The following PCDH7 variants were observed in gnomAD, a reference collection of about 807,000 sequenced individuals.
PCDH7 encodes protocadherin 7.
In PCDH7, 17 loss-of-function variants were observed where a neutral mutation model predicts 58.9. The ratio of observed to expected loss-of-function variants is 0.29; its 90% CI spans 0.20 to 0.43. The LOEUF (loss-of-function observed/expected upper bound fraction) is 0.43. PCDH7 is among the 20% of genes least tolerant of loss of function. The pLI, the probability that PCDH7 is intolerant of heterozygous loss-of-function variation, is 1.00. For synonymous variants in PCDH7, 664 were observed against 616.4 expected, an observed-to-expected ratio of 1.08 and a Z score of -1.14; for missense variants, 1,274 against 1,441.0, an observed-to-expected ratio of 0.88 and a Z score of 1.88.
At chr4:30,773,637 G>C (rs936404118) in intron 1 of PCDH7, among the ~76,000 whole-genome samples, 2 of 152,070 alleles carry the variant, frequency 1.3e-5, no homozygotes, top group African/African-American at 4.8e-5. Flanking sequence ...GAATCATGGT[G>C]CTGCTTTCCT....
At chr4:31,056,401 GAAGA>G (rs1276969842) in intron 3 of PCDH7, among the ~76,000 whole-genome samples, 1 of 99,554 alleles carries the variant, frequency 1.0e-5, no homozygotes, top group African/African-American at 4.1e-5. Flanking sequence ...AGAAGGAAAG[GAAGA>G]AAGAAAGAAG....
chr4:31,121,702 T>C (rs941836639), intron 3 of PCDH7, among the ~76,000 whole-genome samples: 4 of 152,184 alleles, frequency 2.6e-5, no homozygotes, highest in African/African-American at 9.6e-5. Flanking sequence ...AGCTCAGTGG[T>C]AGAAGAAAAC....
At chr4:30,963,261 C>A (rs1306172134) in intron 3 of PCDH7, among the ~76,000 whole-genome samples, 3 of 152,118 alleles carry the variant, frequency 2.0e-5, no homozygotes, top group African/African-American at 7.2e-5. Context: ...TGTTTTGAGG[C>A]TTAAAAGTCA....
intron 3 of PCDH7, among the ~76,000 whole-genome samples, chr4:30,971,596 T>G (rs958940663): frequency 4.6e-5 from 7 of 152,224 alleles, no homozygotes; most frequent in African/African-American, 1.7e-4. Flanking sequence ...AACCCCTCTC[T>G]CCCTGTTTAA....
At chr4:31,117,609 A>G (rs1195746094) in intron 3 of PCDH7, among the ~76,000 whole-genome samples, 3 of 152,194 alleles carry the variant, frequency 2.0e-5, no homozygotes, top group Non-Finnish European at 4.4e-5. Context: ...TAGCATAATT[A>G]TAATATTGCT....
intron 3 of PCDH7, among the ~76,000 whole-genome samples, chr4:30,990,822 T>C (rs1459930566): frequency 6.6e-6 from 1 of 152,166 alleles, no homozygotes; most frequent in Non-Finnish European, 1.5e-5. Context: ...AATTACCATC[T>C]TGCTCAACTT....
At chr4:30,746,054 C>T (rs113065146) in intron 1 of PCDH7, among the ~76,000 whole-genome samples, 5,511 of 152,104 alleles carry the variant, frequency 0.036, 261 homozygotes, top group East Asian at 0.22. Flanking sequence ...GTCTTGAACT[C>T]CTGACCTCAA....
In PCDH7 at chr4:31,034,217, T is replaced by C. The variant is rs146596835; in HGVS notation, c.*7+84002T>C. Among the ~76,000 whole-genome samples the C allele has an allele frequency of 2.6e-4, 39 of 152,314 alleles. 1 individual carries two copies. In the East Asian group the frequency reaches 4.8e-3, roughly 19 times the overall value. ...TTTCTCCTGCCTCCATCATCTTCCC[T>C]TTCATCTTCTATCCCTTACTTTAAT... On this transcript the variant is annotated intron_variant, in intron 3 of 3. Coordinates refer to the PCDH7 transcript ENST00000509759.
chr4:30,728,928 CATG>C (rs1715047210), intron 1 of PCDH7, among the ~76,000 whole-genome samples: 1 of 151,286 alleles, frequency 6.6e-6, no homozygotes, highest in African/African-American at 2.4e-5. Flanking sequence ...TTTATTTAGT[CATG>C]ATGTTTATAG....
intron 3 of PCDH7, among the ~76,000 whole-genome samples, chr4:31,104,816 G>A (rs1471687376): frequency 1.3e-5 from 2 of 152,190 alleles, no homozygotes; most frequent in Admixed American, 6.5e-5. Flanking sequence ...GCTGAAGTAT[G>A]AGCGTATTGA....
chr4:30,924,536 T>C (rs796204773), intron 2 of PCDH7, among the ~76,000 whole-genome samples: 11 of 152,258 alleles, frequency 7.2e-5, no homozygotes, highest in African/African-American at 2.2e-4. Flanking sequence ...TGCATTTTAA[T>C]AGTAGAAAAT....
intron 3 of PCDH7, among the ~76,000 whole-genome samples, chr4:31,000,094 A>G (rs114533869): frequency 0.012 from 1,761 of 152,232 alleles, 35 homozygotes; most frequent in African/African-American, 0.04. Context: ...GTGGCATAAT[A>G]GCTATATTGA....
chr4:31,022,694 G>A (rs1285358395), intron 3 of PCDH7, among the ~76,000 whole-genome samples: 2 of 152,082 alleles, frequency 1.3e-5, no homozygotes, highest in Non-Finnish European at 2.9e-5. Context: ...ATAGAAAAAA[G>A]TATGAATACC....
At chr4:31,002,828 T>G (rs1578533739) in intron 3 of PCDH7, among the ~76,000 whole-genome samples, 1 of 152,188 alleles carries the variant, frequency 6.6e-6, no homozygotes, top group Non-Finnish European at 1.5e-5. Context: ...ATTCCTGTAA[T>G]ATCTGAAGCT....
rs139371336 is a variant in PCDH7 at position 31,038,972 on chromosome 4, G to A, written c.*7+88757G>A. Among the ~76,000 whole-genome samples, 179 of 152,210 alleles carry A rather than the reference G, an allele frequency of 1.2e-3. 2 individuals are homozygous for A. In the South Asian group the frequency reaches 0.018, roughly 16 times the overall value. ...TGACAGCAGTAACTTACCAGATAGT[G>A]TTTTCAAAGAGTAAATTAGCATATA... On this transcript the variant is annotated intron_variant, in intron 3 of 3. Transcript: ENST00000509759.
chr4:30,831,208 C>T (rs189123884), intron 1 of PCDH7, among the ~76,000 whole-genome samples: 19 of 152,154 alleles, frequency 1.2e-4, no homozygotes, highest in African/African-American at 2.2e-4. Flanking sequence ...GTCCCTCATA[C>T]GCTTCGTCTA....
chr4:30,722,026 G>T lies in PCDH7; in HGVS notation c.604G>T (p.Asp202Tyr). ...CGAGAGCCGGCGCGCCGGGGCGGCC[G>T]ACAGCGCCCCCTACCCCGGGGGCGG... The change falls in exon 1 of 2, where the codon GAC (aspartate) becomes TAC (tyrosine). Residue 202 changes from aspartate (D) to tyrosine (Y), a missense_variant. Asp to Tyr is a radical substitution (Grantham distance 160). Around this residue, in one of 3 missense-constraint regions of PCDH7, gnomAD observed 331 missense variants for 303.2 expected, o/e 1.09. Transcript: ENST00000361762. The surrounding 1 kb of genome is among the most constrained non-coding windows in gnomAD (Gnocchi z 7.6). 8.0e-7 allele frequency: 1 copy of T among 1,253,976 alleles called. No homozygotes were observed. The highest frequency in any genetic ancestry group is 1.0e-6 in the Non-Finnish European group (1 of 1,002,594). 77.7% of individuals were successfully genotyped at this position (1,253,976 alleles called of 1,614,324 possible).
At chr4:30,736,818 G>T (rs1372243551), downstream of PCDH7, among the ~76,000 whole-genome samples, 1 of 152,062 alleles carries the variant, frequency 6.6e-6, no homozygotes, top group East Asian at 1.9e-4. Context: ...TTACAGGCGT[G>T]AGCCACCGCG....
At chr4:30,883,828 T>G (rs987572321) in intron 1 of PCDH7, among the ~76,000 whole-genome samples, 4 of 152,196 alleles carry the variant, frequency 2.6e-5, no homozygotes, top group Non-Finnish European at 5.9e-5. Flanking sequence ...ATTTCCTGAC[T>G]GTGCAAATTT....
Sources: allele counts gnomAD v4.1 joint callset (sites outside exome capture counted in the v4.1 genomes callset), GRCh38; gene constraint gnomAD v4.1.1; regional missense constraint gnomAD v4.1.1; non-coding constraint Gnocchi (gnomAD v3.1); transcripts MANE v1.5; gene names NCBI Gene and HGNC (gene_info 2026-07-23, HGNC 2026-07-21).